Variants in PES1 observed in about 807,000 individuals in gnomAD.
The protein encoded by PES1 is pescadillo ribosomal biogenesis factor 1.
PES1 carries 31 observed loss-of-function variants against 77.1 expected under a neutral mutation model. The observed-to-expected ratio is 0.40, with a 90% confidence interval of 0.30 to 0.54. The LOEUF (loss-of-function observed/expected upper bound fraction) is 0.54. PES1 is among the 20% of genes least tolerant of loss of function. PES1 has a pLI of 0.45. For synonymous variants in PES1, 282 were observed against 303.0 expected, an observed-to-expected ratio of 0.93 and a Z score of 0.72; for missense variants, 658 against 771.7, an observed-to-expected ratio of 0.85 and a Z score of 1.75.
chr22:30,605,500 C>T, exon 2 of PES1: 2 of 985,128 alleles, frequency 2.0e-6, no homozygotes, highest in Non-Finnish European at 2.4e-6. Flanking sequence ...CCATGGCCAC[C>T]TCCTCCAGGC....
Position 30,581,586 on chromosome 22 carries a change from A to AGC in PES1, c.687_688dup (p.Leu230ArgfsTer102), listed in dbSNP as rs1569022456. 1 of 1,613,900 alleles carries AGC rather than the reference A, an allele frequency of 6.2e-7. No homozygotes were observed. The highest frequency in any genetic ancestry group is 8.5e-7 in the Non-Finnish European group (1 of 1,179,996). On this transcript the variant is annotated frameshift_variant, in exon 7 of 15. Transcript: ENST00000354694. LOFTEE classifies it high-confidence loss of function. ...AAGGCGGAAGTTGACAAAGCCCAGC[A>AGC]GCGTGGTGTAGAACTCGGTGAAGGT...
Position 30,576,825 on chromosome 22 carries a change from G to A in PES1, c.*221C>T. The A allele has an allele frequency of 1.7e-6, 1 of 576,804 alleles. No homozygotes were observed. The highest frequency in any genetic ancestry group is 3.1e-6 in the Non-Finnish European group (1 of 322,992). The allele number at this position is 576,804 out of a possible 1,614,324, so 35.7% of individuals were successfully genotyped here. On this transcript the variant is annotated 3_prime_UTR_variant, in exon 15 of 15. Transcript: ENST00000354694. ...TCCTGGGAGCAGAGAATCAGGCTGG[G>A]CACAGAGGCCTCTTCTCTGACCAGG...
At chr22:30,597,648 G>T (rs2087276667) in intron 2 of PES1, among the ~76,000 whole-genome samples, 1 of 151,484 alleles carries the variant, frequency 6.6e-6, no homozygotes, top group African/African-American at 2.4e-5. Context: ...TCTGTATCTA[G>T]CTAATCTAGT....
upstream of PES1, among the ~76,000 whole-genome samples, chr22:30,595,336 G>A (rs137875467): frequency 0.012 from 1,879 of 152,044 alleles, 20 homozygotes; most frequent in Non-Finnish European, 0.018. Context: ...TCAGGAGTTC[G>A]AGGCTAGCCT....
intron 14 of PES1, among the ~76,000 whole-genome samples, chr22:30,578,604 C>T (rs1474789416): frequency 6.6e-6 from 1 of 152,184 alleles, no homozygotes; most frequent in African/African-American, 2.4e-5. Flanking sequence ...AAGCCGGATG[C>T]GGGGTGGGAC....
chr22:30,606,749 T>A (rs889720046), intron 1 of PES1: 252 of 222,028 alleles, frequency 1.1e-3, no homozygotes, highest in Middle Eastern at 4.7e-3. Context: ...CACAATCCCC[T>A]CCCGCCACAA....
At position 30,579,256 on chromosome 22, in the gene PES1, CGTT is replaced by C; in HGVS notation, c.1399_1401del (p.Asn467del). The C allele has an allele frequency of 3.7e-6, 6 of 1,602,536 alleles. No homozygotes were observed. Among genetic ancestry groups the C allele is most frequent in the Non-Finnish European group, 4.2e-6 (5 of 1,179,178 alleles). On this transcript the variant is annotated inframe_deletion, in exon 13 of 15. Coordinates refer to ENST00000354694, the MANE Select transcript of PES1 (RefSeq NM_014303.4). ...TCTCCCTCTTCATCACCATCACCTT[CGTT>C]GTTGTCGTCCTCTTCCTCCTCCTCT...
At chr22:30,596,706 C>A (rs191559758), upstream of PES1, among the ~76,000 whole-genome samples, 269 of 152,354 alleles carry the variant, frequency 1.8e-3, 1 homozygote, top group African/African-American at 6.1e-3. Context: ...TGGCAGCCCT[C>A]ACAGCCCTCG....
chr22:30,585,237 T>G (rs965001779), intron 4 of PES1: 1 of 471,260 alleles, frequency 2.1e-6, no homozygotes, highest in Non-Finnish European at 4.4e-6. Flanking sequence ...CCCTTGGACA[T>G]GTCTAGTTGG....
intron 2 of PES1, among the ~76,000 whole-genome samples, chr22:30,603,512 G>A (rs1388365632): frequency 6.6e-6 from 1 of 152,014 alleles, no homozygotes; most frequent in South Asian, 2.1e-4. Flanking sequence ...CTCCCAAGTA[G>A]CTGGGACCAC....
intron 1 of PES1, among the ~76,000 whole-genome samples, chr22:30,590,954 G>A (rs2087166096): frequency 6.6e-6 from 1 of 152,112 alleles, no homozygotes; most frequent in South Asian, 2.1e-4. Context: ...GTAGTGTGTT[G>A]GGTTAAGAAC....
intron 4 of PES1, chr22:30,585,193 C>CGCCA (rs766643214): frequency 2.2e-6 from 1 of 457,394 alleles, no homozygotes; most frequent in South Asian, 1.6e-5. Flanking sequence ...GGCCACCGGT[C>CGCCA]GCCAGCGTAG....
intron 2 of PES1, among the ~76,000 whole-genome samples, chr22:30,601,589 C>T (rs1219705004): frequency 6.6e-6 from 1 of 152,194 alleles, no homozygotes; most frequent in African/African-American, 2.4e-5. Flanking sequence ...GCTGGGATTA[C>T]AGGCGTAAGC....
chr22:30,593,493 C>CAA (rs745981792), upstream of PES1, among the ~76,000 whole-genome samples: 12 of 141,534 alleles, frequency 8.5e-5, no homozygotes, highest in Non-Finnish European at 1.2e-4. Flanking sequence ...GGCTCCATCT[C>CAA]AAAAAAAAAA....
chr22:30,585,963 G>T (rs1189604488), intron 4 of PES1, among the ~76,000 whole-genome samples: 4 of 152,172 alleles, frequency 2.6e-5, no homozygotes, highest in Non-Finnish European at 5.9e-5. Context: ...GCCTCAACTG[G>T]CCCCCTCTGG....
At chr22:30,584,190 G>C in intron 6 of PES1, 175 bp downstream of exon 6, 1 of 621,978 alleles carries the variant, frequency 1.6e-6, no homozygotes. Context: ...GCTAGCTTAG[G>C]CTCCCGCTCT....
intron 2 of PES1, chr22:30,605,379 G>GGT (rs2087423248): frequency 1.2e-6 from 1 of 807,152 alleles, no homozygotes; most frequent in Admixed American, 6.2e-5. Flanking sequence ...TAGGCAGGGG[G>GGT]GTGTCTCCCT....
At chr22:30,593,387 T>G (rs913324820), upstream of PES1, among the ~76,000 whole-genome samples, 3 of 151,986 alleles carry the variant, frequency 2.0e-5, no homozygotes, top group Non-Finnish European at 2.9e-5. Flanking sequence ...GTTGGGAGGC[T>G]GAGGCAGGAG....
rs780173929 is a variant in PES1 at position 30,588,189 on chromosome 22, C to T, written c.105-15G>A. 1.2e-6 allele frequency: 2 copies of T among 1,614,092 alleles called. No homozygotes were observed. The highest frequency in any genetic ancestry group is 2.7e-5 in the African/African-American group (2 of 75,036). On this transcript the variant is annotated splice_polypyrimidine_tract_variant and intron_variant, in intron 2 of 14. Coordinates refer to ENST00000354694, the MANE Select transcript of PES1 (RefSeq NM_014303.4). ...TGCACAGCCGCCTGGAAGACAGAGG[C>T]CATCTGTTATGTCAGTTATGTGGGT...
Sources: gnomAD v4.1 joint callset for allele counts (sites outside exome capture counted in the v4.1 genomes callset) on GRCh38, gnomAD v4.1.1 for gene constraint, MANE v1.5 for transcripts, NCBI Gene and HGNC (gene_info 2026-07-23, HGNC 2026-07-21) for gene names.